The following OXR1 variants were observed in gnomAD, a reference collection of about 807,000 sequenced individuals.
The protein encoded by OXR1 is oxidation resistance 1, also known as oxidation resistance protein 1.
OXR1 carries 41 observed loss-of-function variants against 104.6 expected under a neutral mutation model. That is an observed-to-expected ratio of 0.39 (90% CI 0.31 to 0.51). OXR1 has a LOEUF of 0.51. Among genes scored for constraint, OXR1 ranks in the 20% least tolerant of loss-of-function variants. OXR1 has a pLI of 0.77. For synonymous variants in OXR1, 348 were observed against 348.4 expected (o/e 1.00, Z 0.01); for missense variants, 955 against 1,031.9 (o/e 0.93, Z 1.02).
chr8:106,389,615 C>A (rs774385800), intron 2 of OXR1, among the ~76,000 whole-genome samples: 2 of 152,104 alleles, frequency 1.3e-5, no homozygotes, highest in Non-Finnish European at 2.9e-5. Flanking sequence ...GAGATCTGAC[C>A]TAAAGAACTG....
chr8:106,310,488 C>A (rs1025485195), intron 1 of OXR1, among the ~76,000 whole-genome samples: 16 of 152,118 alleles, frequency 1.1e-4, no homozygotes, highest in African/African-American at 3.9e-4. Context: ...TTGCTTTTCT[C>A]CTGTCTTGGA....
chr8:106,320,148 C>T (rs1814154851), intron 1 of OXR1, among the ~76,000 whole-genome samples: 1 of 152,184 alleles, frequency 6.6e-6, no homozygotes, highest in African/African-American at 2.4e-5. Flanking sequence ...TATCTAAGTG[C>T]TAAGTCCTCA....
chr8:106,745,652 T>G, intron 15 of OXR1, 137 bp from the exon 16 acceptor site: 1 of 471,198 alleles, frequency 2.1e-6, no homozygotes, highest in Non-Finnish European at 3.7e-6. Context: ...CAGAGCCTTC[T>G]GTGCGGAGCT....
At chr8:106,385,529 A>T (rs1158966714) in intron 2 of OXR1, among the ~76,000 whole-genome samples, 1 of 152,208 alleles carries the variant, frequency 6.6e-6, no homozygotes, top group Admixed American at 6.5e-5. Context: ...AGTATGTGAC[A>T]GGCAGTGTTC....
At chr8:106,672,386 C>T (rs531230305) in intron 3 of OXR1, among the ~76,000 whole-genome samples, 19 of 150,800 alleles carry the variant, frequency 1.3e-4, no homozygotes, top group Non-Finnish European at 2.1e-4. Context: ...ACTCAGGAGG[C>T]GAAGGCAGGA....
At chr8:106,565,506 T>TGCTCATG (rs1816999392) in intron 3 of OXR1, among the ~76,000 whole-genome samples, 3 of 152,214 alleles carry the variant, frequency 2.0e-5, no homozygotes, top group Admixed American at 2.0e-4. Flanking sequence ...AAACGTTCCA[T>TGCTCATG]GCTCATGGAT....
chr8:106,695,508 C>T (rs1320960575), intron 7 of OXR1, among the ~76,000 whole-genome samples: 1 of 151,754 alleles, frequency 6.6e-6, no homozygotes, highest in African/African-American at 2.4e-5. Flanking sequence ...ACTTCCGCCT[C>T]CCAGGTTCAA....
chr8:106,325,537 T>A (rs1351623892), intron 1 of OXR1, among the ~76,000 whole-genome samples: 7 of 152,128 alleles, frequency 4.6e-5, no homozygotes, highest in Admixed American at 3.3e-4. Context: ...TGACCTAGGG[T>A]TGCTGTGAAG....
chr8:106,516,289 A>C (rs922885493), intron 2 of OXR1, among the ~76,000 whole-genome samples: 4 of 151,986 alleles, frequency 2.6e-5, no homozygotes, highest in African/African-American at 9.7e-5. Flanking sequence ...TTCATTCCCT[A>C]TCTCTTTTAC....
intron 1 of OXR1, among the ~76,000 whole-genome samples, chr8:106,274,480 T>C (rs2130470041): frequency 6.6e-6 from 1 of 152,306 alleles, no homozygotes; most frequent in Middle Eastern, 3.4e-3. Context: ...TTAGGGTTGC[T>C]TACTTCCTTT....
chr8:106,470,119 G>C (rs1247373561), intron 2 of OXR1, among the ~76,000 whole-genome samples: 2 of 151,784 alleles, frequency 1.3e-5, no homozygotes, highest in African/African-American at 2.4e-5. Flanking sequence ...AATGGAGTTG[G>C]AGGAAGTATC....
chr8:106,354,968 A>G (rs1815901553), intron 1 of OXR1, among the ~76,000 whole-genome samples: 1 of 152,116 alleles, frequency 6.6e-6, no homozygotes, highest in Non-Finnish European at 1.5e-5. Context: ...TATCATCCCA[A>G]TAATCCATTG....
rs183737563 is a variant in OXR1 at position 106,714,606 on chromosome 8, T to C, written c.1956+621T>C. ...ACTAACAAACTTTTTGTAACTCCTC[T>C]TAGATATATCTTAAGATTACATATT... On this transcript the variant is annotated intron_variant, in intron 11 of 16. Transcript: ENST00000517566. Among the ~76,000 whole-genome samples, 18 of 152,240 alleles carry C rather than the reference T, an allele frequency of 1.2e-4. No individual in the cohort carries two copies. In the East Asian group the frequency reaches 2.5e-3, roughly 21 times the overall value.
chr8:106,499,981 C>A (rs1009029546), intron 2 of OXR1, among the ~76,000 whole-genome samples: 6 of 152,194 alleles, frequency 3.9e-5, no homozygotes, highest in Non-Finnish European at 5.9e-5. Context: ...ACTGAGCTTT[C>A]ATTTGCTTAC....
chr8:106,728,472 A>G (rs1833560323), intron 11 of OXR1, among the ~76,000 whole-genome samples: 1 of 152,112 alleles, frequency 6.6e-6, no homozygotes, highest in South Asian at 2.1e-4. Flanking sequence ...TGTTAACCAG[A>G]TTGTTTTGTT....
chr8:106,672,283 G>T (rs1344462574), intron 3 of OXR1, among the ~76,000 whole-genome samples: 6 of 149,958 alleles, frequency 4.0e-5, no homozygotes, highest in Non-Finnish European at 8.9e-5. Context: ...TTTGAGACCA[G>T]CCTGACCAAT....
intron 1 of OXR1, among the ~76,000 whole-genome samples, chr8:106,310,245 G>A (rs199626715): frequency 6.8e-5 from 5 of 73,436 alleles, no homozygotes; most frequent in African/African-American, 2.3e-4. Flanking sequence ...TTTTTTTTTT[G>A]TGAACTCTTT....
In OXR1 at chr8:106,710,810, C is replaced by T; in HGVS notation, c.1793+20C>T. 2.1e-6 allele frequency: 3 copies of T among 1,404,594 alleles called. No individual in the cohort carries two copies. The allele number at this position is 1,404,594 out of a possible 1,614,324, so 87.0% of individuals were successfully genotyped here. ...AGAAAGGTAAAAAACCCATACGACACCTTGAGAGCATTATTGAGATTCTTT... is the reference window on the plus strand; with the variant it reads ...AGAAAGGTAAAAAACCCATACGACATCTTGAGAGCATTATTGAGATTCTTT... On this transcript the variant is annotated intron_variant, in intron 10 of 16. Coordinates refer to ENST00000517566, the MANE Select transcript of OXR1 (RefSeq NM_001198533.2).
At chr8:106,469,960 G>A (rs1447148420) in intron 2 of OXR1, among the ~76,000 whole-genome samples, 1 of 151,770 alleles carries the variant, frequency 6.6e-6, no homozygotes, top group Non-Finnish European at 1.5e-5. Flanking sequence ...AGGTATCTGT[G>A]GGGGAAGCAT....
Sources: gnomAD v4.1 joint callset for allele counts (sites outside exome capture counted in the v4.1 genomes callset) on GRCh38, gnomAD v4.1.1 for gene constraint, MANE v1.5 for transcripts, NCBI Gene and HGNC (gene_info 2026-07-23, HGNC 2026-07-21) for gene names.